The following RBFOX1 variants were observed in gnomAD, a reference collection of about 807,000 sequenced individuals.
RBFOX1 encodes RNA binding fox-1 homolog 1.
RBFOX1 carries 8 observed loss-of-function variants against 57.7 expected under a neutral mutation model. The ratio of observed to expected loss-of-function variants is 0.14; its 90% confidence interval spans 0.08 to 0.25. RBFOX1 has a LOEUF of 0.25. Among genes scored for constraint, RBFOX1 ranks in the 10% least tolerant of loss-of-function variants. The probability of loss-of-function intolerance (pLI) is 1.00; values close to 1 mark genes in which losing one functional copy is unlikely to be tolerated. For missense variants in RBFOX1, 611 were observed against 548.5 expected, an observed-to-expected ratio of 1.11 and a Z score of -1.14; for synonymous variants, 326 against 222.4, an observed-to-expected ratio of 1.47 and a Z score of -4.15.
chr16:6,659,846 G>A (rs919309163), intron 3 of RBFOX1, among the ~76,000 whole-genome samples: 3 of 152,098 alleles, frequency 2.0e-5, no homozygotes, highest in Admixed American at 6.6e-5. Flanking sequence ...TGGAACTGGA[G>A]TGCTGACCTC....
At chr16:6,734,426 C>G (rs79301092) in intron 3 of RBFOX1, among the ~76,000 whole-genome samples, 1 of 152,154 alleles carries the variant, frequency 6.6e-6, no homozygotes, top group South Asian at 2.1e-4. Context: ...ATTTCCTTTA[C>G]GTGGATTATC....
intron 1 of RBFOX1, among the ~76,000 whole-genome samples, chr16:5,288,810 T>G (rs1250001689): frequency 2.0e-5 from 3 of 152,058 alleles, no homozygotes; most frequent in African/African-American, 7.2e-5. Context: ...CATGATCTCC[T>G]GGTGAAGGGA....
intron 5 of RBFOX1, among the ~76,000 whole-genome samples, chr16:7,520,595 G>A (rs1350051645): frequency 3.9e-5 from 6 of 152,146 alleles, no homozygotes; most frequent in Admixed American, 2.6e-4. Context: ...GGATATTTGG[G>A]TTGTCTCCAC....
intron 2 of RBFOX1, among the ~76,000 whole-genome samples, chr16:6,556,072 T>G (rs1324951574): frequency 2.6e-5 from 4 of 152,202 alleles, no homozygotes; most frequent in Non-Finnish European, 5.9e-5. Context: ...TCCCATGGCC[T>G]TCAGAATTAT....
chr16:5,607,097 C>T (rs1229804360), intron 3 of RBFOX1, among the ~76,000 whole-genome samples: 2 of 152,176 alleles, frequency 1.3e-5, no homozygotes, highest in Non-Finnish European at 2.9e-5. Context: ...TATGTCTCCT[C>T]ACTGGAGTGG....
intron 5 of RBFOX1, among the ~76,000 whole-genome samples, chr16:7,542,893 A>ACC (rs1209131770): frequency 6.6e-6 from 1 of 151,970 alleles, no homozygotes. Context: ...AGGCACACAT[A>ACC]ATTGTTGTCT....
At chr16:6,300,787 C>G (rs1380020925) in intron 1 of RBFOX1, among the ~76,000 whole-genome samples, 1 of 152,198 alleles carries the variant, frequency 6.6e-6, no homozygotes, top group Non-Finnish European at 1.5e-5. Flanking sequence ...TCCATTTACT[C>G]CACCACCACC....
intron 3 of RBFOX1, among the ~76,000 whole-genome samples, chr16:7,051,671 T>C (rs1273837671): frequency 6.6e-6 from 1 of 152,212 alleles, no homozygotes. Flanking sequence ...TGACTTATCA[T>C]GACCATCTGG....
chr16:6,966,577 A>C (rs1488372957), intron 3 of RBFOX1, among the ~76,000 whole-genome samples: 6 of 152,214 alleles, frequency 3.9e-5, no homozygotes, highest in African/African-American at 1.4e-4. Flanking sequence ...AATGGAAGAT[A>C]CGTTAGTTAA....
intron 3 of RBFOX1, among the ~76,000 whole-genome samples, chr16:6,798,278 G>T (rs2084560588): frequency 6.6e-6 from 1 of 152,070 alleles, no homozygotes; most frequent in South Asian, 2.1e-4. Flanking sequence ...CATGCTTCCT[G>T]AATCTGCATA....
At chr16:6,810,291 A>C (rs1445932395) in intron 3 of RBFOX1, among the ~76,000 whole-genome samples, 1 of 152,072 alleles carries the variant, frequency 6.6e-6, no homozygotes, top group Non-Finnish European at 1.5e-5. Context: ...TCTGTCACTG[A>C]AATTATTCTG....
chr16:5,283,298 G>A (rs772070151), intron 1 of RBFOX1, among the ~76,000 whole-genome samples: 3 of 152,176 alleles, frequency 2.0e-5, no homozygotes, highest in Non-Finnish European at 4.4e-5. Context: ...GAAATGTGGG[G>A]TCGGAGCCCC....
intron 3 of RBFOX1, among the ~76,000 whole-genome samples, chr16:5,636,368 A>C (rs1596534964): frequency 6.6e-6 from 1 of 152,158 alleles, no homozygotes; most frequent in East Asian, 1.9e-4. Context: ...AAATAAATAA[A>C]AATTAAAAAA....
chr16:7,304,406 G>A (rs1264241337), intron 4 of RBFOX1: 3 of 985,272 alleles, frequency 3.0e-6, no homozygotes, highest in African/African-American at 3.5e-5. Context: ...CCTCTGACGG[G>A]GGCCACCTGC....
intron 2 of RBFOX1, among the ~76,000 whole-genome samples, chr16:6,625,545 C>G (rs1334957762): frequency 6.6e-6 from 1 of 152,154 alleles, no homozygotes; most frequent in Admixed American, 6.5e-5. Flanking sequence ...AAAGCCCTCT[C>G]TGTCTGTTAT....
intron 1 of RBFOX1, among the ~76,000 whole-genome samples, chr16:6,237,483 A>C (rs1252711603): frequency 6.6e-6 from 1 of 152,120 alleles, no homozygotes; most frequent in African/African-American, 2.4e-5. Context: ...AAACCAGAAA[A>C]AGAAATACCT....
intron 1 of RBFOX1, among the ~76,000 whole-genome samples, chr16:6,246,477 A>G (rs905384353): frequency 6.6e-6 from 1 of 152,166 alleles, no homozygotes; most frequent in African/African-American, 2.4e-5. Flanking sequence ...GAAGGACTCC[A>G]GTTGGCTTGG....
At chr16:7,143,764 C>T (rs1178814464) in intron 4 of RBFOX1, among the ~76,000 whole-genome samples, 1 of 151,030 alleles carries the variant, frequency 6.6e-6, no homozygotes, top group Admixed American at 6.6e-5. Flanking sequence ...TACTATTTAG[C>T]AGTGCTTACT....
intron 2 of RBFOX1, among the ~76,000 whole-genome samples, chr16:5,576,805 G>A (rs1380840778): frequency 6.6e-6 from 1 of 152,184 alleles, no homozygotes; most frequent in Non-Finnish European, 1.5e-5. Flanking sequence ...ATATCTTGGG[G>A]AATAAGAAGC....
Sources: gnomAD v4.1 joint callset for allele counts (sites outside exome capture counted in the v4.1 genomes callset) on GRCh38, gnomAD v4.1.1 for gene constraint, MANE v1.5 for transcripts, NCBI Gene and HGNC (gene_info 2026-07-23, HGNC 2026-07-21) for gene names.